Variants in L3MBTL1 observed in about 807,000 individuals in gnomAD.
L3MBTL1 encodes L3MBTL histone methyl-lysine binding protein 1, also known as lethal(3)malignant brain tumor-like protein 1.
L3MBTL1 carries 75 observed loss-of-function variants against 105.3 expected under a neutral mutation model. That is an observed-to-expected ratio of 0.71 (90% CI 0.59 to 0.86). The LOEUF (loss-of-function observed/expected upper bound fraction) is 0.86, where lower values mean the gene tolerates loss of function less well. Among genes scored for constraint, L3MBTL1 ranks in the 40% least tolerant of loss-of-function variants. The pLI, the probability that L3MBTL1 is intolerant of heterozygous loss-of-function variation, is 0.00. For synonymous variants in L3MBTL1, 452 were observed against 436.2 expected, an observed-to-expected ratio of 1.04 and a Z score of -0.45; for missense variants, 1,069 against 1,126.4, an observed-to-expected ratio of 0.95 and a Z score of 0.73.
intron 1 of L3MBTL1, among the ~76,000 whole-genome samples, chr20:43,511,915 C>T (rs539431054): frequency 5.3e-5 from 8 of 151,684 alleles, no homozygotes; most frequent in Non-Finnish European, 1.2e-4. Flanking sequence ...GAGGGAACAG[C>T]AAGGGCAAAG....
chr20:43,514,437 C>A (rs903877498), intron 3 of L3MBTL1, 198 bp from the exon 4 acceptor site: 256 of 1,478,576 alleles, frequency 1.7e-4, no homozygotes, highest in Non-Finnish European at 2.0e-4. Context: ...TGGGACTGGA[C>A]CCCGCAGGTG....
chr20:43,520,874 T>C (rs896639566), intron 7 of L3MBTL1, among the ~76,000 whole-genome samples: 2 of 152,360 alleles, frequency 1.3e-5, no homozygotes, highest in African/African-American at 4.8e-5. Flanking sequence ...TTAACTGTGG[T>C]CCTTAATCTA....
At chr20:43,545,242 C>G (rs921047512), downstream of L3MBTL1, among the ~76,000 whole-genome samples, 4 of 151,096 alleles carry the variant, frequency 2.6e-5, no homozygotes, top group African/African-American at 9.7e-5. Flanking sequence ...GCACATGCCT[C>G]TGGTCCCAGC....
chr20:43,518,802 T>C (rs2018540652), intron 7 of L3MBTL1, among the ~76,000 whole-genome samples: 1 of 139,476 alleles, frequency 7.2e-6, no homozygotes, highest in African/African-American at 2.8e-5. Context: ...AGGTAGGAGT[T>C]TGAGACCACC....
At chr20:43,514,544 C>T in intron 3 of L3MBTL1, 91 bp from the exon 4 acceptor site, 1 of 1,585,290 alleles carries the variant, frequency 6.3e-7, no homozygotes, top group Non-Finnish European at 8.6e-7. Context: ...CGTGAGCTGG[C>T]ATGAGGCGAA....
chr20:43,519,894 A>G (rs1276651508), intron 7 of L3MBTL1, among the ~76,000 whole-genome samples: 1 of 152,150 alleles, frequency 6.6e-6, no homozygotes, highest in African/African-American at 2.4e-5. Flanking sequence ...TGCTTTTTCC[A>G]TACATTTTTA....
intron 7 of L3MBTL1, among the ~76,000 whole-genome samples, chr20:43,522,456 AGTTTTT>A (rs1568921172): frequency 1.1e-5 from 1 of 89,874 alleles, no homozygotes; most frequent in Non-Finnish European, 2.3e-5. Flanking sequence ...TTCCCTGCTA[AGTTTTT>A]TTTTTTTTTT....
intron 13 of L3MBTL1, 45 bp from the exon 14 acceptor site, chr20:43,533,963 C>A: frequency 1.4e-6 from 2 of 1,411,444 alleles, no homozygotes; most frequent in Non-Finnish European, 1.0e-6. Flanking sequence ...AGGGCTTCCG[C>A]AGTACACCTG....
At position 43,521,504 on chromosome 20, in the gene L3MBTL1, A is replaced by T. The variant is rs771848610; in HGVS notation, c.862+5327A>T. 5.8e-4 allele frequency among the ~76,000 whole-genome samples: 88 copies of T among 152,258 alleles called. 1 individual carries two copies. The highest frequency in any genetic ancestry group is 1.0e-3 in the Non-Finnish European group (71 of 68,008). On this transcript the variant is annotated intron_variant, in intron 7 of 21. Coordinates refer to ENST00000418998, the MANE Select transcript of L3MBTL1 (RefSeq NM_001377303.1). ...GGAGAAAGAAGAATAGAGCTAAGAG[A>T]GTGTGGTAAGAAAGAAATGCCAAGA...
At chr20:43,528,172 C>T (rs1474093374) in intron 7 of L3MBTL1, among the ~76,000 whole-genome samples, 3 of 152,190 alleles carry the variant, frequency 2.0e-5, no homozygotes, top group African/African-American at 7.2e-5. Flanking sequence ...GGATTACAGG[C>T]GTGAGCTACC....
At chr20:43,518,664 A>G (rs879133877) in intron 7 of L3MBTL1, among the ~76,000 whole-genome samples, 2 of 151,904 alleles carry the variant, frequency 1.3e-5, no homozygotes, top group African/African-American at 4.8e-5. Context: ...ACTGAACCCT[A>G]TGGATACTGT....
chr20:43,541,037 G>C lies in L3MBTL1; in HGVS notation c.2498G>C (p.Gly833Ala), dbSNP rs1472443946. 2 of 1,614,156 alleles carry C rather than the reference G, an allele frequency of 1.2e-6. No individual in the cohort carries two copies. The highest frequency in any genetic ancestry group is 1.3e-5 in the African/African-American group (1 of 75,038). The change falls in exon 22 of 22, where the codon GGC becomes GCC. Residue 833 changes from glycine (G) to alanine (A), a missense_variant. Physicochemically the swap from Gly to Ala is moderately conservative, Grantham distance 60 (BLOSUM62 0). Coordinates refer to ENST00000418998, the MANE Select transcript of L3MBTL1 (RefSeq NM_001377303.1). ...TCAGATCATCTTCAGGAAGGAAAAG[G>C]CATCCTGGAGACAGGAGTCCATTCA... Reference protein sequence around the residue: ...VCSDHLQEGKGILETGVHSLL... With the variant: ...VCSDHLQEGKAILETGVHSLL...
At chr20:43,539,591 C>T (rs759095119) in intron 19 of L3MBTL1, 34 of 214,922 alleles carry the variant, frequency 1.6e-4, no homozygotes, top group Non-Finnish European at 2.8e-4. Flanking sequence ...TAGTACAGAC[C>T]GGGCTGGTGG....
intron 1 of L3MBTL1, among the ~76,000 whole-genome samples, chr20:43,513,265 T>G (rs1442462474): frequency 6.6e-6 from 1 of 152,186 alleles, no homozygotes; most frequent in Non-Finnish European, 1.5e-5. Flanking sequence ...TTACAGAGAC[T>G]GGGGAGGTGC....
chr20:43,513,510 G>A lies in L3MBTL1; in HGVS notation c.7G>A (p.Gly3Arg). 1 of 1,550,590 alleles carries A rather than the reference G, an allele frequency of 6.4e-7. No individual in the cohort carries two copies. The highest frequency in any genetic ancestry group is 1.2e-5 in the South Asian group (1 of 84,056). Reference sequence around the variant, plus strand: ...GATGGAGGGGCATGCTGGGATGGAGGGGCATGCTGAAATGGAGATGCTGAG... The same window carrying A: ...GATGGAGGGGCATGCTGGGATGGAGAGGCATGCTGAAATGGAGATGCTGAG... ME[G>R]HAEMEMLRTL... Residue 3 changes from glycine to arginine, a missense_variant, in exon 2 of 22, where the codon GGG becomes AGG. Coordinates refer to ENST00000418998, the MANE Select transcript of L3MBTL1 (RefSeq NM_001377303.1).
chr20:43,544,693 G>A (rs891989255), downstream of L3MBTL1, among the ~76,000 whole-genome samples: 20 of 152,134 alleles, frequency 1.3e-4, no homozygotes, highest in African/African-American at 4.1e-4. Flanking sequence ...TGACCGGGGC[G>A]GTGGTTCACT....
At chr20:43,511,667 C>A (rs2018138892) in intron 1 of L3MBTL1, among the ~76,000 whole-genome samples, 1 of 151,598 alleles carries the variant, frequency 6.6e-6, no homozygotes, top group Admixed American at 6.6e-5. Context: ...TGTAATCCCA[C>A]CTAGTCAGGA....
intron 19 of L3MBTL1, 186 bp from the exon 20 acceptor site, chr20:43,539,965 A>G (rs1047921897): frequency 1.5e-6 from 1 of 673,594 alleles, no homozygotes; most frequent in Non-Finnish European, 2.7e-6. Context: ...CTTTACCAGC[A>G]GGAGTGAACA....
intron 18 of L3MBTL1, among the ~76,000 whole-genome samples, chr20:43,547,583 C>G (rs557577239): frequency 7.9e-4 from 121 of 152,306 alleles, no homozygotes; most frequent in African/African-American, 2.6e-3. Flanking sequence ...GTTTCTCTCT[C>G]TGTGTCTCTC....
Sources: allele counts gnomAD v4.1 joint callset (sites outside exome capture counted in the v4.1 genomes callset), GRCh38; gene constraint gnomAD v4.1.1; transcripts MANE v1.5; gene names NCBI Gene and HGNC (gene_info 2026-07-23, HGNC 2026-07-21).